Variants in CUX2 observed in about 807,000 individuals in gnomAD.
CUX2 encodes the protein cut like homeobox 2, also known as homeobox protein cut-like 2.
CUX2 carries 40 observed loss-of-function variants against 144.8 expected under a neutral mutation model. The observed-to-expected ratio is 0.28, with a 90% CI of 0.21 to 0.36. The LOEUF (loss-of-function observed/expected upper bound fraction) is 0.36, where lower values mean the gene tolerates loss of function less well. Among genes scored for constraint, CUX2 ranks in the 10% least tolerant of loss-of-function variants. The probability of loss-of-function intolerance (pLI) is 1.00; values close to 1 mark genes in which losing one functional copy is unlikely to be tolerated. For missense variants in CUX2, 1,615 were observed against 1,994.0 expected, an observed-to-expected ratio of 0.81 and a Z score of 3.62; for synonymous variants, 827 against 875.6, an observed-to-expected ratio of 0.94 and a Z score of 0.98.
At chr12:111,279,409 T>G (rs1431864522) in intron 4 of CUX2, among the ~76,000 whole-genome samples, 1 of 152,310 alleles carries the variant, frequency 6.6e-6, no homozygotes, top group South Asian at 2.1e-4. Flanking sequence ...TATGTTGAAG[T>G]CCTAACCACC....
At chr12:111,055,717 A>G (rs1034173489) in intron 1 of CUX2, among the ~76,000 whole-genome samples, 1 of 151,826 alleles carries the variant, frequency 6.6e-6, no homozygotes, top group Non-Finnish European at 1.5e-5. Context: ...CAGCGGTCCC[A>G]TCGGCGCACG....
At chr12:111,303,650 AG>A (rs1423402857) in intron 9 of CUX2, among the ~76,000 whole-genome samples, 5 of 151,386 alleles carry the variant, frequency 3.3e-5, no homozygotes, top group African/African-American at 4.9e-5. Flanking sequence ...AAAAAAAAAA[AG>A]AAAAGAAAAG....
rs575667547 is a variant in CUX2 at position 111,296,684 on chromosome 12, C to A, written c.704+145C>A. 62 of 577,338 alleles carry A rather than the reference C, an allele frequency of 1.1e-4. No homozygotes were observed. In the African/African-American group the frequency reaches 1.2e-3, roughly 11 times the overall value. 35.8% of individuals were successfully genotyped at this position (577,338 alleles called of 1,614,324 possible). ...CTGACCCTCCAGTACTTGCCTCCAC[C>A]CTCTGGCCATCCCAGACACGCCTCC... On this transcript the variant is annotated intron_variant, in intron 8 of 21. Transcript: ENST00000261726.
chr12:111,141,288 T>C (rs1381880585), intron 1 of CUX2, among the ~76,000 whole-genome samples: 1 of 151,624 alleles, frequency 6.6e-6, no homozygotes, highest in Non-Finnish European at 1.5e-5. Flanking sequence ...TTCCTTTTGC[T>C]CTTCAAAGGA....
chr12:111,302,362 T>C (rs1886333811), intron 9 of CUX2, among the ~76,000 whole-genome samples: 1 of 152,196 alleles, frequency 6.6e-6, no homozygotes, highest in African/African-American at 2.4e-5. Context: ...CAAGCAAAGA[T>C]ATCTACCAAA....
Position 111,333,762 on chromosome 12 carries a change from C to T in CUX2, c.2927-679C>T, listed in dbSNP as rs540110560. On this transcript the variant is annotated intron_variant, in intron 18 of 21. Transcript: ENST00000261726. ...TAATCCCAGCTAGTCAGGAGGCTGA[C>T]GCAGGAGAATCGCTTGAACCCGGGA... 1.6e-4 allele frequency among the ~76,000 whole-genome samples: 24 copies of T among 152,148 alleles called. No homozygotes were observed. In the South Asian group the frequency reaches 2.1e-3, roughly 13 times the overall value.
chr12:111,185,350 C>A (rs1015633226), intron 1 of CUX2, among the ~76,000 whole-genome samples: 2 of 152,210 alleles, frequency 1.3e-5, no homozygotes, highest in East Asian at 1.9e-4. Flanking sequence ...AATTTGGAAG[C>A]AAGTACTGGC....
At chr12:111,152,284 CA>C (rs35535869) in intron 1 of CUX2, among the ~76,000 whole-genome samples, 8,416 of 150,692 alleles carry the variant, frequency 0.056, 452 homozygotes, top group African/African-American at 0.14. Flanking sequence ...GACTCTGTCT[CA>C]AAAAAAATAA....
chr12:111,038,760 G>GT (rs1251260994), intron 1 of CUX2, among the ~76,000 whole-genome samples: 2 of 151,994 alleles, frequency 1.3e-5, no homozygotes, highest in African/African-American at 4.8e-5. Context: ...TCCCTCACTG[G>GT]TTTTACTGTT....
chr12:111,077,667 T>C lies in CUX2; in HGVS notation c.63+43427T>C, dbSNP rs151043169. Among the ~76,000 whole-genome samples the C allele has an allele frequency of 6.6e-6, 1 of 152,342 alleles. No individual in the cohort carries two copies. Among genetic ancestry groups the C allele is most frequent in the African/African-American group, 2.4e-5 (1 of 41,582 alleles). On this transcript the variant is annotated intron_variant, in intron 1 of 21. Coordinates refer to ENST00000261726, the MANE Select transcript of CUX2 (RefSeq NM_015267.4). The surrounding 1 kb of genome is among the most constrained non-coding windows in gnomAD (Gnocchi z 4.1). Reference sequence around the variant, plus strand: ...CCTGACTCACTCAATAAGCGTTGCATTGTGGAGACAGGATGGAGGCCAGCT... The same window carrying C: ...CCTGACTCACTCAATAAGCGTTGCACTGTGGAGACAGGATGGAGGCCAGCT...
At chr12:111,069,959 C>T (rs905542343) in intron 1 of CUX2, among the ~76,000 whole-genome samples, 10 of 152,074 alleles carry the variant, frequency 6.6e-5, no homozygotes, top group African/African-American at 2.2e-4. Context: ...GACCCTAGAG[C>T]ATGGCTTTAG....
Position 111,289,414 on chromosome 12 carries a change from C to A in CUX2, c.302-2004C>A, listed in dbSNP as rs181125372. Among the ~76,000 whole-genome samples, 1 of 152,156 alleles carries A rather than the reference C, an allele frequency of 6.6e-6. No individual in the cohort carries two copies. The highest frequency in any genetic ancestry group is 1.5e-5 in the Non-Finnish European group (1 of 68,030). On this transcript the variant is annotated intron_variant, in intron 4 of 21. Coordinates refer to ENST00000261726, the MANE Select transcript of CUX2 (RefSeq NM_015267.4). This position sits in a 1 kb window ranked among gnomAD's most constrained non-coding sequence, Gnocchi z 4.1. ...CTCAGTTTCCTCATCTGTGAAAATG[C>A]CTTGGATCCAAGCCAGCCTCCAGGG...
intron 1 of CUX2, among the ~76,000 whole-genome samples, chr12:111,058,950 A>G (rs949565435): frequency 2.0e-5 from 3 of 152,232 alleles, no homozygotes; most frequent in Non-Finnish European, 1.5e-5. Flanking sequence ...TAATTACTAT[A>G]TTTTGCAATA....
intron 20 of CUX2, among the ~76,000 whole-genome samples, chr12:111,339,164 G>A (rs1489000699): frequency 2.6e-5 from 4 of 151,624 alleles, no homozygotes; most frequent in African/African-American, 9.7e-5. Context: ...CCTAGGAGGT[G>A]GAGGTTGCGG....
In CUX2 at chr12:111,320,252, A is replaced by C. The variant is rs958604810; in HGVS notation, c.2243A>C (p.Glu748Ala). 7 of 1,586,956 alleles carry C rather than the reference A, an allele frequency of 4.4e-6. No individual in the cohort carries two copies. The highest frequency in any genetic ancestry group is 6.0e-6 in the Non-Finnish European group (7 of 1,174,330). Residue 748 changes from glutamate to alanine, a missense_variant, in exon 17 of 22, where the codon GAG becomes GCG. Glu to Ala is a moderately radical substitution (Grantham distance 107). Coordinates refer to ENST00000261726, the MANE Select transcript of CUX2 (RefSeq NM_015267.4). The surrounding 1 kb of genome is among the most constrained non-coding windows in gnomAD (Gnocchi z 8.1). Reference sequence around the variant, plus strand: ...GGGGCCCCGGCCTTGGTGAAGCAGGAGGAGGGCAGCGGGGGCCCCGCGCAG... The same window carrying C: ...GGGGCCCCGGCCTTGGTGAAGCAGGCGGAGGGCAGCGGGGGCCCCGCGCAG... ...QNGAPALVKQ[E>A]EGSGGPAQAP...
chr12:111,051,209 C>A (rs568648227), intron 1 of CUX2, among the ~76,000 whole-genome samples: 13 of 152,316 alleles, frequency 8.5e-5, no homozygotes, highest in African/African-American at 3.1e-4. Flanking sequence ...ATGTAACTAA[C>A]CTTCCATGCT....
At chr12:111,174,605 G>C (rs558021956) in intron 1 of CUX2, among the ~76,000 whole-genome samples, 100 of 152,342 alleles carry the variant, frequency 6.6e-4, no homozygotes, top group African/African-American at 2.3e-3. Flanking sequence ...GAAAGGTGGA[G>C]TTGTGCCCAT....
chr12:111,184,573 CAAAAAAAAAAA>C (rs71445536), intron 1 of CUX2, among the ~76,000 whole-genome samples: 11 of 46,922 alleles, frequency 2.3e-4, no homozygotes, highest in East Asian at 5.8e-4. Flanking sequence ...TTCTCTCTAC[CAAAAAAAAAAA>C]AAAAAAAAAA....
At chr12:111,107,521 C>A in intron 1 of CUX2, among the ~76,000 whole-genome samples, 1 of 152,228 alleles carries the variant, frequency 6.6e-6, no homozygotes. Context: ...CTGGGGAGGG[C>A]CCAGTGCTGC....
Sources: allele counts gnomAD v4.1 joint callset (sites outside exome capture counted in the v4.1 genomes callset), GRCh38; gene constraint gnomAD v4.1.1; non-coding constraint Gnocchi (gnomAD v3.1); transcripts MANE v1.5; gene names NCBI Gene and HGNC (gene_info 2026-07-23, HGNC 2026-07-21).